Variants in TOGARAM1 observed in about 807,000 individuals in gnomAD.
TOGARAM1 encodes the protein TOG array regulator of axonemal microtubules protein 1.
Under a neutral mutation model 166.6 loss-of-function variants are expected in TOGARAM1, and 100 were observed. That is an observed-to-expected ratio of 0.60 (90% confidence interval 0.51 to 0.71). The LOEUF (loss-of-function observed/expected upper bound fraction) is 0.71, where lower values mean the gene tolerates loss of function less well. TOGARAM1 is among the 30% of genes least tolerant of loss of function. The pLI is 0.00. For missense variants in TOGARAM1, 2,029 were observed against 2,102.7 expected, an observed-to-expected ratio of 0.96 and a Z score of 0.69; for synonymous variants, 758 against 763.8, an observed-to-expected ratio of 0.99 and a Z score of 0.13.
chr14:45,023,775 T>A (rs964412778), intron 7 of TOGARAM1, among the ~76,000 whole-genome samples: 1 of 152,132 alleles, frequency 6.6e-6, no homozygotes, highest in African/African-American at 2.4e-5. Flanking sequence ...AGTCTCACTC[T>A]TGTCGCCCAG....
At chr14:45,045,724 TACACATATATATACAC>T (rs1412528560) in intron 13 of TOGARAM1, among the ~76,000 whole-genome samples, 104 of 138,776 alleles carry the variant, frequency 7.5e-4, no homozygotes, top group African/African-American at 2.6e-3. Flanking sequence ...TACACATATA[TACACATATATATACAC>T]ATATGTATAT....
intron 1 of TOGARAM1, among the ~76,000 whole-genome samples, chr14:44,970,271 G>C (rs764209357): frequency 6.6e-6 from 1 of 152,006 alleles, no homozygotes; most frequent in Non-Finnish European, 1.5e-5. Flanking sequence ...GCTAAATTTA[G>C]ATTGAAATAT....
intron 1 of TOGARAM1, among the ~76,000 whole-genome samples, 156 bp downstream of exon 1, chr14:44,964,623 G>A (rs1002417747): frequency 6.6e-6 from 1 of 152,002 alleles, no homozygotes. Context: ...CATTATAATG[G>A]TACAGATCAC....
At chr14:44,972,277 T>G (rs1190986356) in intron 1 of TOGARAM1, among the ~76,000 whole-genome samples, 1 of 152,106 alleles carries the variant, frequency 6.6e-6, no homozygotes, top group African/African-American at 2.4e-5. Context: ...TGTGTGTGTT[T>G]TTTTTTTGCG....
chr14:45,037,344 A>T (rs992792183), intron 11 of TOGARAM1, among the ~76,000 whole-genome samples: 6 of 152,188 alleles, frequency 3.9e-5, no homozygotes, highest in African/African-American at 1.4e-4. Context: ...TAGGGACCAT[A>T]ATTAAATCTG....
At chr14:44,985,765 C>A (rs1375382967) in intron 1 of TOGARAM1, among the ~76,000 whole-genome samples, 2 of 152,204 alleles carry the variant, frequency 1.3e-5, no homozygotes, top group Non-Finnish European at 2.9e-5. Context: ...GGAAACTCTG[C>A]TTTAACCTAT....
chr14:45,043,337 C>T (rs2138948061), intron 11 of TOGARAM1, among the ~76,000 whole-genome samples: 1 of 152,182 alleles, frequency 6.6e-6, no homozygotes, highest in African/African-American at 2.4e-5. Context: ...ACCACCATGC[C>T]CAGCTGATTT....
At chr14:44,976,756 CTT>C (rs1310059693) in intron 1 of TOGARAM1, among the ~76,000 whole-genome samples, 1 of 152,068 alleles carries the variant, frequency 6.6e-6, no homozygotes, top group African/African-American at 2.4e-5. Context: ...GTTCTTATGT[CTT>C]ATGTGAAAAT....
intron 14 of TOGARAM1, among the ~76,000 whole-genome samples, chr14:45,049,576 T>C (rs996074413): frequency 3.9e-5 from 6 of 152,138 alleles, no homozygotes; most frequent in African/African-American, 1.4e-4. Flanking sequence ...TCTCTTCTTT[T>C]AAGCGCTCGT....
rs746238533 is a variant in TOGARAM1 at position 45,012,069 on chromosome 14, A to G, written c.3232A>G (p.Ser1078Gly). Residue 1078 changes from serine to glycine, a missense_variant, in exon 7 of 20, where the codon AGT (serine) becomes GGT (glycine). Coordinates refer to ENST00000361462, the MANE Select transcript of TOGARAM1 (RefSeq NM_001308120.2). ...TTCTCATATTGCTGAACAAAGCCCC[A>G]GTGCAGGTATTCTATGTCTGTTTAT... ...KISHIAEQSP[S>G]AGSSSNPQQI... 7 of 1,579,644 alleles carry G rather than the reference A, an allele frequency of 4.4e-6. No individual in the cohort carries two copies. The Admixed American group carries it at 5.4e-5, about 12-fold the overall frequency.
Position 45,054,304 on chromosome 14 carries a change from T to C in TOGARAM1, c.4441-127T>C, listed in dbSNP as rs538046181. On this transcript the variant is annotated intron_variant, in intron 15 of 19. Coordinates refer to ENST00000361462, the MANE Select transcript of TOGARAM1 (RefSeq NM_001308120.2). ...TATGTATCTCATACTCTTTAAAGCA[T>C]ATCAGATTATTAAAATACTTTCCAT... 4.9e-6 allele frequency: 3 copies of C among 606,982 alleles called. No homozygotes were observed. In the South Asian group the frequency reaches 7.5e-5, roughly 15 times the overall value. The allele number at this position is 606,982 out of a possible 1,614,324, so 37.6% of individuals were successfully genotyped here. A position where few individuals can be genotyped will look rare whatever the true frequency, so the allele number is the denominator to read the frequency against.
chr14:45,008,590 T>C (rs1464372209), intron 5 of TOGARAM1, among the ~76,000 whole-genome samples: 1 of 152,218 alleles, frequency 6.6e-6, no homozygotes, highest in Non-Finnish European at 1.5e-5. Context: ...ATCTACCATC[T>C]GATTCAATGA....
chr14:45,025,981 T>G, intron 8 of TOGARAM1, 109 bp downstream of exon 8: 1 of 557,352 alleles, frequency 1.8e-6, no homozygotes, highest in South Asian at 2.6e-5. Flanking sequence ...GTGGAACTTC[T>G]TTTTAAAAAT....
intron 14 of TOGARAM1, among the ~76,000 whole-genome samples, chr14:45,047,107 T>A (rs985795691): frequency 1.3e-5 from 2 of 151,962 alleles, no homozygotes; most frequent in African/African-American, 4.8e-5. Context: ...AATACAGGAA[T>A]AAGGCGGGTC....
intron 7 of TOGARAM1, among the ~76,000 whole-genome samples, chr14:45,012,439 C>T (rs1879863685): frequency 6.6e-6 from 1 of 152,080 alleles, no homozygotes; most frequent in South Asian, 2.1e-4. Context: ...ACTGGACATC[C>T]CGAAAGACAA....
In TOGARAM1 at chr14:44,963,798, C is replaced by T; in HGVS notation, c.1377C>T (p.Phe459=). The T allele has an allele frequency of 1.2e-6, 2 of 1,614,098 alleles. No homozygotes were observed. The highest frequency in any genetic ancestry group is 1.7e-6 in the Non-Finnish European group (2 of 1,179,994). The change falls in exon 1 of 20, where the codon TTC becomes TTT. Residue 459 remains phenylalanine, a synonymous_variant. Coordinates refer to ENST00000361462, the MANE Select transcript of TOGARAM1 (RefSeq NM_001308120.2). The stretch of plus-strand genomic sequence containing the variant: ...TCAAACAAGAATACATGAAAATCTT[C>T]CTCAAGCTAATGAAGGAAGTAGGAC... ...LVIKQEYMKI[F]LKLMKEVGPQ... is the part of the protein sequence containing the mutation.
At position 45,066,581 on chromosome 14, in the gene TOGARAM1, T is replaced by C. The variant is rs148468925; in HGVS notation, c.4563T>C (p.Ala1521=). The stretch of plus-strand genomic sequence containing the variant: ...CTTCACCTTTCTTTCACTTTAGAGC[T>C]GTAACTGAAGTTCGTGAAGTCACCA... ...SRDAFNSAER[A]VTEVREVTRK... Residue 1521 remains alanine, a synonymous_variant, in exon 17 of 20, where the codon GCT becomes GCC. Coordinates refer to ENST00000361462, the MANE Select transcript of TOGARAM1 (RefSeq NM_001308120.2). 141 of 1,604,268 alleles carry C rather than the reference T, an allele frequency of 8.8e-5. No homozygotes were observed. Among genetic ancestry groups the C allele is most frequent in the Non-Finnish European group, 1.1e-4 (132 of 1,173,094 alleles).
At position 45,004,235 on chromosome 14, in the gene TOGARAM1, A is replaced by G; in HGVS notation, c.2513A>G (p.Lys838Arg). ...KHTSPLIISP[K>R]KSQDNSVNFS... ...ACATCTCCTCTTATTATATCTCCAA[A>G]GAAGTCTCAAGATAATTCTGTTAAT... Residue 838 changes from lysine to arginine, a missense_variant, in exon 4 of 20, where the codon AAG becomes AGG. By Grantham distance (26) the Lys-to-Arg change is conservative. Around this residue, in one of 2 missense-constraint regions of TOGARAM1, gnomAD observed 1,453 missense variants for 1,432.2 expected, o/e 1.01. Coordinates refer to ENST00000361462, the MANE Select transcript of TOGARAM1 (RefSeq NM_001308120.2). 6.2e-7 allele frequency: 1 copy of G among 1,614,124 alleles called. No homozygotes were observed. Among genetic ancestry groups the G allele is most frequent in the Non-Finnish European group, 8.5e-7 (1 of 1,180,002 alleles).
chr14:45,049,501 C>T (rs927201661), intron 14 of TOGARAM1, among the ~76,000 whole-genome samples: 3 of 152,078 alleles, frequency 2.0e-5, no homozygotes, highest in South Asian at 2.1e-4. Context: ...CCTTGTGATC[C>T]GCCTGCCTCG....
Sources: allele counts gnomAD v4.1 joint callset (sites outside exome capture counted in the v4.1 genomes callset), GRCh38; gene constraint gnomAD v4.1.1; regional missense constraint gnomAD v4.1.1; transcripts MANE v1.5; gene names NCBI Gene and HGNC (gene_info 2026-07-23, HGNC 2026-07-21).